The following GRID1 variants were observed in gnomAD, a reference collection of about 807,000 sequenced individuals.
GRID1 encodes glutamate receptor ionotropic, delta-1.
GRID1 carries 28 observed loss-of-function variants against 98.0 expected under a neutral mutation model. The observed-to-expected ratio is 0.29, with a 90% CI of 0.21 to 0.39. The LOEUF (loss-of-function observed/expected upper bound fraction) is 0.39. Among genes scored for constraint, GRID1 ranks in the 10% least tolerant of loss-of-function variants. The pLI, the probability that GRID1 is intolerant of heterozygous loss-of-function variation, is 1.00. For synonymous variants in GRID1, 553 were observed against 538.5 expected, an observed-to-expected ratio of 1.03 and a Z score of -0.37; for missense variants, 1,111 against 1,340.5, an observed-to-expected ratio of 0.83 and a Z score of 2.67.
intron 12 of GRID1, among the ~76,000 whole-genome samples, chr10:85,709,801 T>C (rs1161261128): frequency 6.6e-6 from 1 of 152,132 alleles, no homozygotes; most frequent in Non-Finnish European, 1.5e-5. Context: ...TGAGGAGGAA[T>C]ATAGACCATA....
At chr10:86,113,798 C>T (rs1355039850) in intron 4 of GRID1, among the ~76,000 whole-genome samples, 1 of 152,130 alleles carries the variant, frequency 6.6e-6, no homozygotes, top group African/African-American at 2.4e-5. Context: ...TTCAGATAAC[C>T]GAGGGGCTGA....
intron 4 of GRID1, among the ~76,000 whole-genome samples, chr10:85,982,496 G>A (rs1842558240): frequency 6.6e-6 from 1 of 152,176 alleles, no homozygotes; most frequent in South Asian, 2.1e-4. Context: ...TGTGGCCATT[G>A]TCCATCAGGT....
intron 4 of GRID1, among the ~76,000 whole-genome samples, chr10:86,118,856 G>A (rs908430810): frequency 1.3e-5 from 2 of 152,168 alleles, no homozygotes; most frequent in African/African-American, 4.8e-5. Context: ...AATCCCAGTT[G>A]AGGGGAATTC....
At chr10:86,186,374 A>G (rs1845725462) in intron 3 of GRID1, among the ~76,000 whole-genome samples, 2 of 151,970 alleles carry the variant, frequency 1.3e-5, no homozygotes, top group African/African-American at 4.8e-5. Flanking sequence ...TTTTTGTTTC[A>G]TTTATTTTCT....
chr10:86,002,909 C>T (rs1054362950), intron 4 of GRID1, among the ~76,000 whole-genome samples: 6 of 152,194 alleles, frequency 3.9e-5, no homozygotes, highest in African/African-American at 1.4e-4. Flanking sequence ...GCCATAAAGA[C>T]TGATGAAAAT....
chr10:85,886,419 T>C (rs150413796), intron 5 of GRID1, among the ~76,000 whole-genome samples: 1,832 of 152,250 alleles, frequency 0.012, 35 homozygotes, highest in African/African-American at 0.041. Flanking sequence ...GACTCATATT[T>C]TTCTGTTACT....
chr10:86,142,326 G>T (rs1845022113), intron 3 of GRID1, among the ~76,000 whole-genome samples: 3 of 152,244 alleles, frequency 2.0e-5, no homozygotes, highest in Non-Finnish European at 4.4e-5. Context: ...TGGATGCATT[G>T]TATCTGGTAT....
intron 4 of GRID1, among the ~76,000 whole-genome samples, chr10:86,115,973 G>A (rs1466020825): frequency 1.3e-5 from 2 of 152,100 alleles, no homozygotes; most frequent in Non-Finnish European, 2.9e-5. Flanking sequence ...TGTTACTATT[G>A]CATTCGGCAC....
intron 3 of GRID1, among the ~76,000 whole-genome samples, chr10:86,173,584 T>TC (rs1232230721): frequency 0.12 from 19 of 154 alleles, no homozygotes; most frequent in Non-Finnish European, 0.2. Context: ...TTTTATTTTA[T>TC]TTTATTATAC....
chr10:86,045,564 G>C (rs918621752), intron 4 of GRID1, among the ~76,000 whole-genome samples: 1 of 152,114 alleles, frequency 6.6e-6, no homozygotes, highest in Non-Finnish European at 1.5e-5. Flanking sequence ...TATAATACAA[G>C]AGAAGCATAT....
chr10:86,191,465 C>T (rs999313560), intron 3 of GRID1, among the ~76,000 whole-genome samples: 19 of 151,816 alleles, frequency 1.3e-4, no homozygotes, highest in Admixed American at 6.6e-5. Context: ...TCACATCCAT[C>T]CCCCACCCTC....
At chr10:85,722,205 T>A (rs1016784070) in intron 12 of GRID1, among the ~76,000 whole-genome samples, 1 of 152,144 alleles carries the variant, frequency 6.6e-6, no homozygotes, top group South Asian at 2.1e-4. Context: ...ACCAATATGA[T>A]GACAGTGAGT....
At chr10:85,962,417 A>G (rs1395447877) in intron 4 of GRID1, among the ~76,000 whole-genome samples, 2 of 152,234 alleles carry the variant, frequency 1.3e-5, no homozygotes, top group Non-Finnish European at 2.9e-5. Flanking sequence ...GCTCAGCTGC[A>G]TAGACCTCCC....
intron 4 of GRID1, among the ~76,000 whole-genome samples, chr10:85,947,145 C>G (rs1842063753): frequency 6.6e-6 from 1 of 152,220 alleles, no homozygotes; most frequent in South Asian, 2.1e-4. Context: ...TGGCTGCATT[C>G]TCTGCCCCCA....
rs1353900239 is a variant in GRID1 at position 86,192,422 on chromosome 10, A to C, written c.520+13942T>G. Reference sequence around the variant, plus strand: ...AAGTAGAAAGCACTATGCTAAGTGAAATAAGCCAGTCTCAAGGAACAAATA... The same window carrying C: ...AAGTAGAAAGCACTATGCTAAGTGACATAAGCCAGTCTCAAGGAACAAATA... On this transcript the variant is annotated intron_variant, in intron 3 of 15. Transcript: ENST00000327946. The surrounding 1 kb of genome is among the most constrained non-coding windows in gnomAD (Gnocchi z 4.8). Among the ~76,000 whole-genome samples the C allele has an allele frequency of 6.6e-6, 1 of 152,216 alleles. No homozygotes were observed. The highest frequency in any genetic ancestry group is 6.5e-5 in the Admixed American group (1 of 15,276).
At chr10:85,849,082 C>T (rs1213568123) in intron 8 of GRID1, among the ~76,000 whole-genome samples, 3 of 152,212 alleles carry the variant, frequency 2.0e-5, no homozygotes, top group East Asian at 1.9e-4. Context: ...CTAGCACCAA[C>T]TGCTGGAGCC....
chr10:86,095,427 A>G (rs1844207573), intron 4 of GRID1, among the ~76,000 whole-genome samples: 1 of 152,214 alleles, frequency 6.6e-6, no homozygotes, highest in South Asian at 2.1e-4. Context: ...CAACCCACAG[A>G]GTGGGAGAAA....
chr10:85,881,502 T>G (rs1475737634), intron 5 of GRID1, among the ~76,000 whole-genome samples: 1 of 152,108 alleles, frequency 6.6e-6, no homozygotes, highest in Non-Finnish European at 1.5e-5. Context: ...TTGACAAACC[T>G]GACAAAAACA....
chr10:86,154,407 C>G (rs1332378150), intron 3 of GRID1, among the ~76,000 whole-genome samples: 2 of 152,180 alleles, frequency 1.3e-5, no homozygotes, highest in African/African-American at 2.4e-5. Context: ...GCCAGGAGGT[C>G]TGATTCTGTC....
Sources: allele counts gnomAD v4.1 joint callset (sites outside exome capture counted in the v4.1 genomes callset), GRCh38; gene constraint gnomAD v4.1.1; non-coding constraint Gnocchi (gnomAD v3.1); transcripts MANE v1.5; gene names NCBI Gene and HGNC (gene_info 2026-07-23, HGNC 2026-07-21).